MPC2: variants seen among roughly 807,000 people sequenced by gnomAD.
MPC2 encodes the protein brain protein 44.
A neutral mutation model predicts 19.2 loss-of-function variants in MPC2; 19 were observed. The ratio of observed to expected loss-of-function variants is 0.99; its 90% CI spans 0.69 to 1.45. The LOEUF (loss-of-function observed/expected upper bound fraction) is 1.45, where lower values mean the gene tolerates loss of function less well. Among genes scored for constraint, MPC2 ranks in the 40% most tolerant of loss-of-function variants. The pLI is 0.00. For missense variants in MPC2, 122 were observed against 153.0 expected (o/e 0.80, Z 1.07); for synonymous variants, 61 against 54.3 (o/e 1.12, Z -0.54).
chr1:167,932,808 C>CAAAAAAA (rs965449372), intron 2 of MPC2, among the ~76,000 whole-genome samples: 2 of 54,944 alleles, frequency 3.6e-5, no homozygotes, highest in African/African-American at 1.1e-4. Context: ...GACTCTGTCT[C>CAAAAAAA]AAAAAAAAAA....
intron 2 of MPC2, among the ~76,000 whole-genome samples, chr1:167,930,219 T>A (rs1255932272): frequency 1.3e-5 from 2 of 152,204 alleles, no homozygotes; most frequent in Non-Finnish European, 2.9e-5. Context: ...TTAAAAATGT[T>A]GACTGAAAAT....
At chr1:167,926,905 A>C (rs775401001) in intron 2 of MPC2, among the ~76,000 whole-genome samples, 1 of 152,202 alleles carries the variant, frequency 6.6e-6, no homozygotes, top group African/African-American at 2.4e-5. Context: ...TTAAAAAACA[A>C]ACAAAAAAAC....
chr1:167,929,377 A>T (rs1388571369), intron 2 of MPC2, among the ~76,000 whole-genome samples: 1 of 152,158 alleles, frequency 6.6e-6, no homozygotes, highest in Non-Finnish European at 1.5e-5. Flanking sequence ...GAAAAAAAAA[A>T]GTCTACACAT....
chr1:167,935,714 G>C lies in MPC2; in HGVS notation c.109+19C>G, dbSNP rs1457718967. ...GCGAGAAGGAAGGTCTCGATAAGGAGCCATTCAGGGTCCATTACCTGCTGG... is the reference window on the plus strand; with the variant it reads ...GCGAGAAGGAAGGTCTCGATAAGGACCCATTCAGGGTCCATTACCTGCTGG... On this transcript the variant is annotated intron_variant, in intron 2 of 5. Coordinates refer to ENST00000271373, the MANE Select transcript of MPC2 (RefSeq NM_001143674.4). 1.3e-6 allele frequency: 2 copies of C among 1,543,526 alleles called. No homozygotes were observed. The highest frequency in any genetic ancestry group is 1.8e-6 in the Non-Finnish European group (2 of 1,138,650).
rs1440358896 is a variant in MPC2, at chr1:167,917,902, C to CCACT, written c.*417_*420dup. ...GTTTGAGGTCATCTTGATAGTCATT[C>CCACT]CACTACCCATTTCTCAGTCTCTTCA... On this transcript the variant is annotated 3_prime_UTR_variant, in exon 6 of 6. Transcript: ENST00000271373. 1.3e-5 allele frequency: 2 copies of CCACT among 154,776 alleles called. No homozygotes were observed. Among genetic ancestry groups the CCACT allele is most frequent in the African/African-American group, 4.8e-5 (2 of 41,536 alleles). The allele number at this position is 154,776 out of a possible 1,614,324, so 9.6% of individuals were successfully genotyped here.
intron 3 of MPC2, 123 bp from the exon 4 acceptor site, chr1:167,920,754 A>G (rs1670580650): frequency 2.1e-6 from 2 of 932,412 alleles, no homozygotes; most frequent in Non-Finnish European, 1.6e-6. Context: ...TTTAGTGTCC[A>G]TTCATTAAGA....
At chr1:167,931,333 T>C (rs1415318869) in intron 2 of MPC2, among the ~76,000 whole-genome samples, 1 of 152,232 alleles carries the variant, frequency 6.6e-6, no homozygotes, top group Admixed American at 6.5e-5. Context: ...CAGTGTCTAA[T>C]ATACAATAGG....
chr1:167,934,929 TAC>T lies in MPC2; in HGVS notation c.109+802_109+803del, dbSNP rs1394367279. On this transcript the variant is annotated intron_variant, in intron 2 of 5. Transcript: ENST00000271373. The stretch of plus-strand genomic sequence containing the variant: ...AAGGGATTGGAATCTTTCAGTTTCT[TAC>T]AGTTTTTTTTTTCAACCACAAGAAC... 4.6e-5 allele frequency among the ~76,000 whole-genome samples: 7 copies of T among 152,100 alleles called. 1 individual carries two copies. The highest frequency in any genetic ancestry group is 9.7e-5 in the African/African-American group (4 of 41,416).
chr1:167,931,179 G>A lies in MPC2; in HGVS notation c.109+4554C>T, dbSNP rs141447306. On this transcript the variant is annotated intron_variant, in intron 2 of 5. Transcript: ENST00000271373. The stretch of plus-strand genomic sequence containing the variant: ...ACTCCTGATTTCAGGTGATCCACAC[G>A]CCTCGGCCTCCCAAAGTGCTGGGAT... Among the ~76,000 whole-genome samples, 26 of 152,298 alleles carry A rather than the reference G, an allele frequency of 1.7e-4. No homozygotes were observed. In the East Asian group the frequency reaches 4.6e-3, roughly 27 times the overall value.
At chr1:167,923,677 G>A (rs1332217863) in intron 3 of MPC2, among the ~76,000 whole-genome samples, 1 of 151,386 alleles carries the variant, frequency 6.6e-6, no homozygotes, top group African/African-American at 2.4e-5. Context: ...CAGATAGTAA[G>A]TTTTATATGT....
Position 167,931,156 on chromosome 1 carries a change from T to C in MPC2, c.109+4577A>G, listed in dbSNP as rs535550902. ...CATGTTGGCCAGGCTGGTCTCGAACTCCTGATTTCAGGTGATCCACACGCC... is the reference window on the plus strand; with the variant it reads ...CATGTTGGCCAGGCTGGTCTCGAACCCCTGATTTCAGGTGATCCACACGCC... On this transcript the variant is annotated intron_variant, in intron 2 of 5. Coordinates refer to ENST00000271373, the MANE Select transcript of MPC2 (RefSeq NM_001143674.4). Among the ~76,000 whole-genome samples the C allele has an allele frequency of 3.3e-5, 5 of 152,320 alleles. No homozygotes were observed. In the East Asian group the frequency reaches 9.6e-4, roughly 29 times the overall value.
At position 167,925,458 on chromosome 1, in the gene MPC2, TATATATATATATATATAC is replaced by T. The variant is rs1469521985; in HGVS notation, c.110-939_110-922del. ...ACATATACACATATATATATATATA[TATATATATATATATATAC>T]ATATACATATACACACACATATATA... is the stretch of plus-strand genomic sequence containing the variant. On this transcript the variant is annotated intron_variant, in intron 2 of 5. Coordinates refer to ENST00000271373, the MANE Select transcript of MPC2 (RefSeq NM_001143674.4). Among the ~76,000 whole-genome samples, 366 of 113,692 alleles carry T rather than the reference TATATATATATATATATAC, an allele frequency of 3.2e-3. 4 individuals carry two copies. The highest frequency in any genetic ancestry group is 0.012 in the African/African-American group (297 of 25,142). 74.6% of individuals were successfully genotyped at this position (113,692 alleles called of 152,430 possible).
chr1:167,918,312 C>A lies in MPC2; in HGVS notation c.*11G>T. On this transcript the variant is annotated 3_prime_UTR_variant, in exon 6 of 6. Coordinates refer to ENST00000271373, the MANE Select transcript of MPC2 (RefSeq NM_001143674.4). ...TCCACATCTAGATTGTTCAGGTGAT[C>A]AGGAACTCTTTTATTTGTGTGCTTT... 1 of 1,564,190 alleles carries A rather than the reference C, an allele frequency of 6.4e-7. No individual in the cohort carries two copies. Among genetic ancestry groups the A allele is most frequent in the South Asian group, 1.1e-5 (1 of 88,812 alleles).
Position 167,936,980 on chromosome 1 carries a change from C to G in MPC2, c.-99G>C, listed in dbSNP as rs1245609380. On this transcript the variant is annotated 5_prime_UTR_variant, in exon 1 of 6. Transcript: ENST00000271373. ...GGAAAAGGTCCCTCGGGCTGGAGGA[C>G]CCGTCCCGGCTGCGGAGTCGCTACC... The G allele has an allele frequency of 1.2e-6, 2 of 1,610,826 alleles. No individual in the cohort carries two copies. Among genetic ancestry groups the G allele is most frequent in the South Asian group, 1.1e-5 (1 of 90,322 alleles).
intron 2 of MPC2, among the ~76,000 whole-genome samples, chr1:167,930,709 C>T (rs986474480): frequency 2.0e-5 from 3 of 152,182 alleles, no homozygotes; most frequent in Non-Finnish European, 4.4e-5. Context: ...ACGACTAGAA[C>T]ACAGTTTCTT....
intron 2 of MPC2, among the ~76,000 whole-genome samples, chr1:167,929,771 A>C (rs546114925): frequency 6.6e-6 from 1 of 152,336 alleles, no homozygotes; most frequent in East Asian, 1.9e-4. Flanking sequence ...ACTCTCAAGC[A>C]CATATACACA....
chr1:167,924,448 TA>T (rs767644101), intron 3 of MPC2, 48 bp downstream of exon 3: 2 of 1,490,030 alleles, frequency 1.3e-6, no homozygotes, highest in Non-Finnish European at 1.8e-6. Context: ...AGTAAATTCC[TA>T]TTAAGGAATT....
At chr1:167,921,770 G>T (rs1012869434) in intron 3 of MPC2, among the ~76,000 whole-genome samples, 1 of 152,024 alleles carries the variant, frequency 6.6e-6, no homozygotes, top group African/African-American at 2.4e-5. Context: ...GCACTGTAGT[G>T]TAATTTATCC....
intron 3 of MPC2, among the ~76,000 whole-genome samples, chr1:167,922,286 T>C (rs1482385593): frequency 6.6e-6 from 1 of 152,136 alleles, no homozygotes; most frequent in African/African-American, 2.4e-5. Context: ...AGAAGGCATT[T>C]ATGAGTATAT....
Sources: allele counts gnomAD v4.1 joint callset (sites outside exome capture counted in the v4.1 genomes callset), GRCh38; gene constraint gnomAD v4.1.1; transcripts MANE v1.5; gene names NCBI Gene and HGNC (gene_info 2026-07-23, HGNC 2026-07-21).